DLG1: variants seen among roughly 807,000 people sequenced by gnomAD.
The protein encoded by DLG1 is disks large homolog 1.
Under a neutral mutation model 123.4 loss-of-function variants are expected in DLG1, and 42 were observed. That is an observed-to-expected ratio of 0.34 (90% confidence interval 0.27 to 0.44). The LOEUF (loss-of-function observed/expected upper bound fraction) is 0.44. DLG1 is among the 20% of genes least tolerant of loss of function. The pLI is 1.00. For missense variants in DLG1, 942 were observed against 1,082.6 expected, an observed-to-expected ratio of 0.87 and a Z score of 1.82; for synonymous variants, 317 against 356.2, an observed-to-expected ratio of 0.89 and a Z score of 1.24.
intron 9 of DLG1, among the ~76,000 whole-genome samples, chr3:197,137,415 CAAGTT>C (rs1785569195): frequency 6.6e-6 from 1 of 152,148 alleles, no homozygotes; most frequent in Non-Finnish European, 1.5e-5. Context: ...TAGATTATCA[CAAGTT>C]AATAGCAATA....
chr3:197,056,909 GGTTTTT>G lies in DLG1; in HGVS notation c.2483+2974_2483+2979del, dbSNP rs547531299. Among the ~76,000 whole-genome samples, 476 of 152,124 alleles carry G rather than the reference GGTTTTT, an allele frequency of 3.1e-3. 4 individuals are homozygous for G. The highest frequency in any genetic ancestry group is 0.011 in the African/African-American group (450 of 41,478). ...CAGAGTATGTATATCTTTAGGTCTG[GGTTTTT>G]GTTTTTAACTCAAATTGTACTTGTG... On this transcript the variant is annotated intron_variant, in intron 23 of 24. Coordinates refer to ENST00000667157, the MANE Select transcript of DLG1 (RefSeq NM_001366207.1).
At chr3:197,083,485 A>C (rs942132060) in intron 16 of DLG1, among the ~76,000 whole-genome samples, 8 of 152,200 alleles carry the variant, frequency 5.3e-5, no homozygotes, top group African/African-American at 1.9e-4. Flanking sequence ...CTCATAAATA[A>C]GCTATCTCAG....
rs45448597 is a variant in DLG1 at position 197,044,178 on chromosome 3, T to C, written c.*445A>G. 6,919 of 152,644 alleles carry C rather than the reference T, an allele frequency of 0.045. 197 individuals carry two copies. The highest frequency in any genetic ancestry group is 0.072 in the South Asian group (349 of 4,820). 9.5% of individuals were successfully genotyped at this position (152,644 alleles called of 1,614,324 possible). On this transcript the variant is annotated 3_prime_UTR_variant, in exon 25 of 25. Transcript: ENST00000667157. ...GTTGATTGAGAAAAGGACTTGAGAGTAATACACTGGCCAAACCATGCTATT... is the reference window on the plus strand; with the variant it reads ...GTTGATTGAGAAAAGGACTTGAGAGCAATACACTGGCCAAACCATGCTATT...
chr3:197,246,764 C>T (rs1464418249), intron 4 of DLG1, among the ~76,000 whole-genome samples: 1 of 152,152 alleles, frequency 6.6e-6, no homozygotes, highest in Non-Finnish European at 1.5e-5. Flanking sequence ...GTTTTAGCTG[C>T]TCAACCTAGT....
At chr3:197,285,978 GTTCT>G (rs1771633247) in intron 3 of DLG1, among the ~76,000 whole-genome samples, 4 of 152,238 alleles carry the variant, frequency 2.6e-5, no homozygotes, top group South Asian at 2.1e-4. Context: ...CAACCAATAT[GTTCT>G]TTAACAGGTG....
intron 9 of DLG1, 147 bp from the exon 10 acceptor site, chr3:197,136,825 T>C (rs1379721696): frequency 4.7e-6 from 3 of 634,300 alleles, no homozygotes; most frequent in Non-Finnish European, 7.6e-6. Flanking sequence ...CTAGTATATG[T>C]TCTGCAATCA....
At position 197,298,585 on chromosome 3, in the gene DLG1, A is replaced by T; in HGVS notation, c.-81T>A. On this transcript the variant is annotated 5_prime_UTR_variant, in exon 1 of 25. Transcript: ENST00000667157. ...GCAGTGCCGTTTCCAACTCCGCGGC[A>T]GAGACAGCGCCTGGCGACCCCGGGG... The T allele has an allele frequency of 2.5e-6, 1 of 396,718 alleles. No homozygotes were observed. The highest frequency in any genetic ancestry group is 4.4e-6 in the Non-Finnish European group (1 of 225,138). The allele number at this position is 396,718 out of a possible 1,614,324, so 24.6% of individuals were successfully genotyped here.
intron 24 of DLG1, among the ~76,000 whole-genome samples, chr3:197,046,903 CA>C (rs1403880272): frequency 6.6e-6 from 1 of 150,934 alleles, no homozygotes; most frequent in Admixed American, 6.6e-5. Flanking sequence ...CAAAACGAAA[CA>C]AAAAACAAAA....
chr3:197,292,033 T>G (rs937804830), intron 3 of DLG1, among the ~76,000 whole-genome samples: 2 of 152,208 alleles, frequency 1.3e-5, no homozygotes, highest in South Asian at 2.1e-4. Flanking sequence ...TGTAAAATGC[T>G]GCAATCACTA....
At chr3:197,126,187 CAT>C (rs1452416025) in intron 11 of DLG1, among the ~76,000 whole-genome samples, 1 of 152,138 alleles carries the variant, frequency 6.6e-6, no homozygotes, top group East Asian at 1.9e-4. Flanking sequence ...GAAAAAGTAA[CAT>C]AATCAGCTGG....
chr3:197,209,624 A>G (rs1730321222), intron 4 of DLG1, among the ~76,000 whole-genome samples: 1 of 146,796 alleles, frequency 6.8e-6, no homozygotes, highest in African/African-American at 2.4e-5. Context: ...GCTAGGCCAC[A>G]AAACAAGTCA....
Position 197,207,118 on chromosome 3 carries a change from A to G in DLG1, c.319-12529T>C, listed in dbSNP as rs1728940018. ...GAGCTGGGAAGCAGACGGCCCACAG[A>G]GGCTAAAATATTCACTATCTGGTCC... On this transcript the variant is annotated intron_variant, in intron 4 of 24. Coordinates refer to ENST00000667157, the MANE Select transcript of DLG1 (RefSeq NM_001366207.1). Among the ~76,000 whole-genome samples, 3 of 152,230 alleles carry G rather than the reference A, an allele frequency of 2.0e-5. No individual in the cohort carries two copies. In the South Asian group the frequency reaches 6.2e-4, roughly 31 times the overall value.
chr3:197,158,016 C>T (rs1213704977), intron 5 of DLG1, among the ~76,000 whole-genome samples: 1 of 152,130 alleles, frequency 6.6e-6, no homozygotes, highest in Admixed American at 6.5e-5. Flanking sequence ...CACAAAGGTA[C>T]AGACATGTCT....
intron 4 of DLG1, among the ~76,000 whole-genome samples, chr3:197,242,092 GA>G (rs1370057399): frequency 6.6e-6 from 1 of 152,044 alleles, no homozygotes; most frequent in African/African-American, 2.4e-5. Flanking sequence ...CATTAAAAGG[GA>G]GGGAAAAGAT....
At chr3:197,246,450 C>T (rs1396955846) in intron 4 of DLG1, among the ~76,000 whole-genome samples, 1 of 152,116 alleles carries the variant, frequency 6.6e-6, no homozygotes, top group South Asian at 2.1e-4. Flanking sequence ...AGTTGGTGGG[C>T]CATCTTCCTA....
At chr3:197,287,535 C>T (rs1772468328) in intron 3 of DLG1, among the ~76,000 whole-genome samples, 1 of 151,846 alleles carries the variant, frequency 6.6e-6, no homozygotes, top group African/African-American at 2.4e-5. Context: ...CTTTAAAAGC[C>T]AAGTTTAAAA....
chr3:197,149,827 A>G (rs748071200), intron 5 of DLG1, 31 bp from the exon 6 acceptor site: 2 of 1,328,258 alleles, frequency 1.5e-6, no homozygotes, highest in Non-Finnish European at 2.2e-6. Flanking sequence ...TGTGTTAACA[A>G]GAAAATAAAA....
chr3:197,105,732 A>C (rs1438969839), intron 13 of DLG1, among the ~76,000 whole-genome samples: 1 of 152,194 alleles, frequency 6.6e-6, no homozygotes, highest in Non-Finnish European at 1.5e-5. Context: ...AAGGTACATT[A>C]TCTTAAGAGA....
chr3:197,093,015 A>G (rs1219573416), intron 14 of DLG1, among the ~76,000 whole-genome samples: 8 of 152,146 alleles, frequency 5.3e-5, no homozygotes, highest in Admixed American at 4.6e-4. Context: ...TTCTCATCCT[A>G]TTCTGTCCTG....
Sources: gnomAD v4.1 joint callset for allele counts (sites outside exome capture counted in the v4.1 genomes callset) on GRCh38, gnomAD v4.1.1 for gene constraint, MANE v1.5 for transcripts, NCBI Gene and HGNC (gene_info 2026-07-23, HGNC 2026-07-21) for gene names.